Variants in MTR observed in about 807,000 individuals in gnomAD.
MTR encodes methionine synthase.
Under a neutral mutation model 154.8 loss-of-function variants are expected in MTR, and 84 were observed. The ratio of observed to expected loss-of-function variants is 0.54; its 90% CI spans 0.45 to 0.65. The LOEUF (loss-of-function observed/expected upper bound fraction) is 0.65. Among genes scored for constraint, MTR ranks in the 30% least tolerant of loss-of-function variants. The pLI, the probability that MTR is intolerant of heterozygous loss-of-function variation, is 0.00. For synonymous variants in MTR, 554 were observed against 553.9 expected (o/e 1.00, Z 0.00); for missense variants, 1,275 against 1,570.2 (o/e 0.81, Z 3.18).
chr1:236,901,855 T>A lies in MTR; in HGVS notation c.*4211T>A, dbSNP rs1384621461. ...TCTGGGGATTCCATTTCAACATGAT[T>A]TGGGGGATACATCAGACCATAACAC... is the stretch of plus-strand genomic sequence containing the variant. On this transcript the variant is annotated 3_prime_UTR_variant, in exon 33 of 33. Transcript: ENST00000366577. 2 of 152,216 alleles carry A rather than the reference T, an allele frequency of 1.3e-5. No homozygotes were observed. Among genetic ancestry groups the A allele is most frequent in the East Asian group, 3.8e-4 (2 of 5,196 alleles). 9.4% of individuals were successfully genotyped at this position (152,216 alleles called of 1,614,324 possible).
chr1:236,816,147 A>G (rs1330953654), intron 7 of MTR, among the ~76,000 whole-genome samples: 2 of 152,218 alleles, frequency 1.3e-5, no homozygotes, highest in Non-Finnish European at 2.9e-5. Flanking sequence ...ACTTGATGTT[A>G]TCTCTGGGAA....
Position 236,897,898 on chromosome 1 carries a change from C to T in MTR, c.*254C>T, listed in dbSNP as rs1666755186. ...AGGGTTCCTGTGGTTTCCCTGGTCC[C>T]TCTGAGATGGGGACAGACTGAAGAC... On this transcript the variant is annotated 3_prime_UTR_variant, in exon 33 of 33. Coordinates refer to ENST00000366577, the MANE Select transcript of MTR (RefSeq NM_000254.3). 4 of 514,316 alleles carry T rather than the reference C, an allele frequency of 7.8e-6. No individual in the cohort carries two copies. The highest frequency in any genetic ancestry group is 1.4e-5 in the Non-Finnish European group (4 of 289,032). The allele number at this position is 514,316 out of a possible 1,614,324, so 31.9% of individuals were successfully genotyped here.
intron 8 of MTR, among the ~76,000 whole-genome samples, chr1:236,821,386 C>T (rs901343086): frequency 5.9e-5 from 9 of 152,222 alleles, no homozygotes; most frequent in African/African-American, 1.9e-4. Flanking sequence ...AAGGCCCCAC[C>T]TTCCAACGCT....
At chr1:236,805,543 C>CCACCGTGGCTCACTCTTGCT (rs1337456548) in intron 2 of MTR, among the ~76,000 whole-genome samples, 1 of 130,418 alleles carries the variant, frequency 7.7e-6, no homozygotes, top group African/African-American at 3.8e-5. Context: ...TGCAGTGGTG[C>CCACCGTGGCTCACTCTTGCT]CACCGTGGCT....
intron 1 of MTR, among the ~76,000 whole-genome samples, chr1:236,799,046 C>G (rs1034493330): frequency 1.3e-5 from 2 of 152,128 alleles, no homozygotes; most frequent in African/African-American, 4.8e-5. Flanking sequence ...AGGAAGACTT[C>G]TTAGTTTCTC....
intron 15 of MTR, among the ~76,000 whole-genome samples, chr1:236,844,645 G>T (rs1489843176): frequency 2.6e-5 from 4 of 152,176 alleles, no homozygotes; most frequent in Admixed American, 1.3e-4. Context: ...TGTGTGAGTG[G>T]AGGGGTGGCT....
chr1:236,806,598 A>T (rs1660999182), intron 3 of MTR, among the ~76,000 whole-genome samples: 1 of 152,184 alleles, frequency 6.6e-6, no homozygotes, highest in African/African-American at 2.4e-5. Context: ...AATAACACTA[A>T]AATTTATCAT....
intron 24 of MTR, among the ~76,000 whole-genome samples, chr1:236,876,137 G>A (rs988566401): frequency 7.9e-5 from 12 of 152,298 alleles, no homozygotes; most frequent in African/African-American, 2.6e-4. Context: ...TAACATTTAG[G>A]TTGTGGTTAA....
intron 22 of MTR, among the ~76,000 whole-genome samples, chr1:236,869,609 A>G (rs1299422567): frequency 1.3e-5 from 2 of 152,168 alleles, no homozygotes; most frequent in Non-Finnish European, 2.9e-5. Context: ...GTATAGGGAG[A>G]GGCTTACAGA....
At chr1:236,823,723 G>A (rs1416840080) in intron 8 of MTR, among the ~76,000 whole-genome samples, 1 of 141,312 alleles carries the variant, frequency 7.1e-6, no homozygotes, top group African/African-American at 2.7e-5. Context: ...GTGGCTTCTT[G>A]CCACCATTCT....
chr1:236,865,640 T>G (rs748533750), intron 22 of MTR, among the ~76,000 whole-genome samples: 3 of 152,188 alleles, frequency 2.0e-5, no homozygotes, highest in Non-Finnish European at 4.4e-5. Flanking sequence ...GAAAATGTAT[T>G]TTTTAAATGG....
chr1:236,856,387 T>A (rs1244195928), intron 18 of MTR, among the ~76,000 whole-genome samples: 1 of 152,154 alleles, frequency 6.6e-6, no homozygotes, highest in African/African-American at 2.4e-5. Context: ...AGAGTCCTTG[T>A]ATTATTATTC....
intron 15 of MTR, among the ~76,000 whole-genome samples, chr1:236,842,897 C>A (rs1663343427): frequency 6.6e-6 from 1 of 151,442 alleles, no homozygotes; most frequent in African/African-American, 2.4e-5. Context: ...AGTAGCCTGG[C>A]CAACATGGTG....
At chr1:236,888,206 A>C (rs1666125715) in intron 27 of MTR, among the ~76,000 whole-genome samples, 1 of 152,184 alleles carries the variant, frequency 6.6e-6, no homozygotes, top group Admixed American at 6.5e-5. Flanking sequence ...ATCCCTGGTT[A>C]CAAATCAGGA....
intron 15 of MTR, among the ~76,000 whole-genome samples, chr1:236,846,539 A>T (rs1427420706): frequency 6.6e-6 from 1 of 152,122 alleles, no homozygotes; most frequent in African/African-American, 2.4e-5. Context: ...TTGGATCTTG[A>T]TTAATATCTA....
At chr1:236,890,369 C>A (rs1666249064) in intron 28 of MTR, among the ~76,000 whole-genome samples, 1 of 152,156 alleles carries the variant, frequency 6.6e-6, no homozygotes, top group African/African-American at 2.4e-5. Context: ...CACTGCAGGT[C>A]CGGGAGCAGG....
chr1:236,895,149 G>A, intron 30 of MTR: 1 of 633,422 alleles, frequency 1.6e-6, no homozygotes, highest in Admixed American at 2.6e-5. Flanking sequence ...TCAGAGCTCA[G>A]GTTGAGGCCA....
chr1:236,831,915 T>C, intron 12 of MTR, 51 bp from the exon 13 acceptor site: 1 of 1,271,566 alleles, frequency 7.9e-7, no homozygotes, highest in Non-Finnish European at 1.2e-6. Flanking sequence ...GTCTGTCTCA[T>C]GTCATCCATA....
intron 24 of MTR, among the ~76,000 whole-genome samples, chr1:236,879,410 C>T (rs941612202): frequency 6.6e-6 from 1 of 152,182 alleles, no homozygotes; most frequent in Non-Finnish European, 1.5e-5. Context: ...CATATAATAG[C>T]ATATTCTGGA....
Sources: gnomAD v4.1 joint callset for allele counts (sites outside exome capture counted in the v4.1 genomes callset) on GRCh38, gnomAD v4.1.1 for gene constraint, MANE v1.5 for transcripts, NCBI Gene and HGNC (gene_info 2026-07-23, HGNC 2026-07-21) for gene names.